Variants in ZNF423 observed in about 807,000 individuals in gnomAD.
ZNF423 encodes Ebf-associated zinc finger protein.
A neutral mutation model predicts 95.8 loss-of-function variants in ZNF423; 12 were observed. The observed-to-expected ratio is 0.13, with a 90% CI of 0.08 to 0.20. The LOEUF is 0.20. ZNF423 is among the 10% of genes least tolerant of loss of function. The pLI is 1.00. For synonymous variants in ZNF423, 749 were observed against 711.9 expected, an observed-to-expected ratio of 1.05 and a Z score of -0.83; for missense variants, 1,316 against 1,737.1, an observed-to-expected ratio of 0.76 and a Z score of 4.31.
At chr16:49,620,901 G>A (rs1164518026) in intron 5 of ZNF423, among the ~76,000 whole-genome samples, 1 of 152,190 alleles carries the variant, frequency 6.6e-6, no homozygotes, top group Non-Finnish European at 1.5e-5. Context: ...CCCCAGGAGG[G>A]CAGTGTACAT....
intron 5 of ZNF423, among the ~76,000 whole-genome samples, chr16:49,530,694 C>T (rs1355117329): frequency 6.6e-6 from 1 of 152,188 alleles, no homozygotes; most frequent in Non-Finnish European, 1.5e-5. Flanking sequence ...AACCTCAACT[C>T]CAGTAACGCT....
intron 6 of ZNF423, 60 bp downstream of exon 6, chr16:49,525,297 GCAATAA>G: frequency 5.0e-6 from 8 of 1,589,184 alleles, no homozygotes. Flanking sequence ...CTGGGATCCC[GCAATAA>G]CAGGGCAGGG....
At chr16:49,731,650 A>C (rs899919827) in intron 2 of ZNF423, among the ~76,000 whole-genome samples, 7 of 119,906 alleles carry the variant, frequency 5.8e-5, no homozygotes, top group African/African-American at 1.8e-4. Context: ...CTATCTCTAC[A>C]AAAAAAAAAA....
At chr16:49,659,931 A>C (rs1268097765) in intron 3 of ZNF423, among the ~76,000 whole-genome samples, 1 of 152,190 alleles carries the variant, frequency 6.6e-6, no homozygotes, top group Non-Finnish European at 1.5e-5. Flanking sequence ...TTGCCAAATG[A>C]GTCAATGGAT....
chr16:49,605,565 C>T (rs1278239394), intron 5 of ZNF423, among the ~76,000 whole-genome samples: 2 of 152,170 alleles, frequency 1.3e-5, no homozygotes, highest in Non-Finnish European at 2.9e-5. Flanking sequence ...CTTCCATTCC[C>T]CAGAACAGAC....
intron 2 of ZNF423, among the ~76,000 whole-genome samples, chr16:49,741,838 G>A (rs1482514274): frequency 6.6e-6 from 1 of 152,216 alleles, no homozygotes; most frequent in Non-Finnish European, 1.5e-5. Context: ...GCAAGACCTT[G>A]GTTGCTTGTA....
At chr16:49,535,340 G>A (rs1280582266) in intron 5 of ZNF423, among the ~76,000 whole-genome samples, 1 of 152,206 alleles carries the variant, frequency 6.6e-6, no homozygotes, top group Non-Finnish European at 1.5e-5. Context: ...CTATGACGCT[G>A]GCGGACACAT....
At chr16:49,695,867 G>A (rs1475356105) in intron 3 of ZNF423, among the ~76,000 whole-genome samples, 1 of 152,230 alleles carries the variant, frequency 6.6e-6, no homozygotes, top group Non-Finnish European at 1.5e-5. Context: ...CTCTGTGCCA[G>A]CCACACTCCA....
At chr16:49,507,740 T>C (rs369420074) in intron 7 of ZNF423, among the ~76,000 whole-genome samples, 2 of 152,240 alleles carry the variant, frequency 1.3e-5, no homozygotes, top group African/African-American at 4.8e-5. Context: ...AGAGCATTTC[T>C]AGTGGCCCCT....
chr16:49,618,521 C>G (rs907661195), intron 5 of ZNF423, among the ~76,000 whole-genome samples: 1 of 152,102 alleles, frequency 6.6e-6, no homozygotes, highest in African/African-American at 2.4e-5. Flanking sequence ...GTGCTCTTCC[C>G]CCTTTGCTTT....
At chr16:49,785,908 T>TC (rs1226524783) in intron 2 of ZNF423, among the ~76,000 whole-genome samples, 1 of 152,112 alleles carries the variant, frequency 6.6e-6, no homozygotes, top group Non-Finnish European at 1.5e-5. Context: ...ACCCACGAAC[T>TC]CCCCTGAAGT....
intron 3 of ZNF423, among the ~76,000 whole-genome samples, chr16:49,677,243 G>GAA (rs1567283822): frequency 5.3e-5 from 1 of 18,948 alleles, no homozygotes; most frequent in East Asian, 2.0e-3. Flanking sequence ...GAAGAGAAGA[G>GAA]AAGATAAGAG....
chr16:49,553,081 TA>T (rs1215312758), intron 5 of ZNF423, among the ~76,000 whole-genome samples: 5 of 152,056 alleles, frequency 3.3e-5, no homozygotes, highest in Non-Finnish European at 7.4e-5. Context: ...TTAAAAAAAA[TA>T]TCAAACAAGC....
intron 5 of ZNF423, among the ~76,000 whole-genome samples, chr16:49,615,000 G>A (rs1431789453): frequency 1.3e-5 from 2 of 152,086 alleles, no homozygotes; most frequent in South Asian, 2.1e-4. Flanking sequence ...GTGTGGTGAC[G>A]CTTGCCTGTA....
At chr16:49,702,694 G>T (rs1406872462) in intron 3 of ZNF423, among the ~76,000 whole-genome samples, 1 of 152,232 alleles carries the variant, frequency 6.6e-6, no homozygotes, top group Non-Finnish European at 1.5e-5. Context: ...AGGCTGAGAG[G>T]CTCCGAGGAA....
intron 2 of ZNF423, among the ~76,000 whole-genome samples, chr16:49,773,497 C>T (rs951730661): frequency 2.6e-5 from 4 of 152,184 alleles, no homozygotes; most frequent in Non-Finnish European, 4.4e-5. Context: ...GGACACAGTG[C>T]CTAACCACAT....
At chr16:49,629,885 A>AT (rs1359410460) in intron 4 of ZNF423, among the ~76,000 whole-genome samples, 1 of 152,220 alleles carries the variant, frequency 6.6e-6, no homozygotes, top group African/African-American at 2.4e-5. Flanking sequence ...CATAATAATT[A>AT]TTTAACTTTT....
rs1409627190 is a variant in ZNF423, at chr16:49,691,959, G to T, written c.301+38812C>A. 2.0e-5 allele frequency among the ~76,000 whole-genome samples: 3 copies of T among 151,910 alleles called. No homozygotes were observed. The East Asian group carries it at 5.9e-4, about 30-fold the overall frequency. ...ATTTTGTTTGTTTGCTTGTTTGTTT[G>T]TTTATTGAGACAGGGTCTCTCGCTC... On this transcript the variant is annotated intron_variant, in intron 3 of 7. Coordinates refer to ENST00000563137, the MANE Select transcript of ZNF423 (RefSeq NM_001379286.1).
At position 49,543,418 on chromosome 16, in the gene ZNF423, C is replaced by T. The variant is rs192398009; in HGVS notation, c.3602-17924G>A. 1.9e-3 allele frequency among the ~76,000 whole-genome samples: 286 copies of T among 152,308 alleles called. 1 individual carries two copies. The highest frequency in any genetic ancestry group is 6.1e-3 in the African/African-American group (254 of 41,558). On this transcript the variant is annotated intron_variant, in intron 5 of 7. Coordinates refer to ENST00000563137, the MANE Select transcript of ZNF423 (RefSeq NM_001379286.1). The stretch of plus-strand genomic sequence containing the variant: ...ACTCCCCACCACAGCCCCCACCCAT[C>T]GACTGGCCTAATCTGAGGCTCAATT...
Sources: gnomAD v4.1 joint callset for allele counts (sites outside exome capture counted in the v4.1 genomes callset) on GRCh38, gnomAD v4.1.1 for gene constraint, MANE v1.5 for transcripts, NCBI Gene and HGNC (gene_info 2026-07-23, HGNC 2026-07-21) for gene names.